The following C9orf153 variants were observed in gnomAD, a reference collection of about 807,000 sequenced individuals.
C9orf153 encodes uncharacterized protein C9orf153.
Under a neutral mutation model 9.0 loss-of-function variants are expected in C9orf153, and 10 were observed. The ratio of observed to expected loss-of-function variants is 1.11; its 90% CI spans 0.69 to 1.89. C9orf153 has a LOEUF of 1.89. Among genes scored for constraint, C9orf153 ranks in the 40% most tolerant of loss-of-function variants. C9orf153 has a pLI of 0.00. For missense variants in C9orf153, 108 were observed against 111.0 expected, an observed-to-expected ratio of 0.97 and a Z score of 0.12; for synonymous variants, 35 against 37.3, an observed-to-expected ratio of 0.94 and a Z score of 0.23.
rs1023529873 is a variant in C9orf153 at position 86,258,810 on chromosome 9, C to G, written c.-27+740G>C. Among the ~76,000 whole-genome samples, 3 of 152,020 alleles carry G rather than the reference C, an allele frequency of 2.0e-5. No homozygotes were observed. The East Asian group carries it at 5.8e-4, about 29-fold the overall frequency. ...GAAAGTACAATGTTCCCACAACCCCCCTTCTCTGCACCATACACACAGCTT... is the reference window on the plus strand; with the variant it reads ...GAAAGTACAATGTTCCCACAACCCCGCTTCTCTGCACCATACACACAGCTT... On this transcript the variant is annotated intron_variant, in intron 1 of 3. Coordinates refer to ENST00000339137, the MANE Select transcript of C9orf153 (RefSeq NM_001276366.4).
chr9:86,252,169 G>A (rs896788234), intron 1 of C9orf153, among the ~76,000 whole-genome samples: 13 of 152,082 alleles, frequency 8.5e-5, no homozygotes, highest in African/African-American at 3.1e-4. Flanking sequence ...CAAGTAGCTG[G>A]GATTACAAGT....
chr9:86,224,338 G>C (rs1330606519), intron 3 of C9orf153, among the ~76,000 whole-genome samples: 3 of 151,806 alleles, frequency 2.0e-5, no homozygotes, highest in Non-Finnish European at 4.4e-5. Context: ...AGTGAGCTGA[G>C]ATTGTGCCAC....
chr9:86,229,191 C>T (rs371178062), intron 2 of C9orf153, among the ~76,000 whole-genome samples: 7 of 149,426 alleles, frequency 4.7e-5, no homozygotes, highest in East Asian at 3.9e-4. Context: ...ATGTTTGGAC[C>T]GATATCATGA....
Position 86,225,522 on chromosome 9 carries a change from G to A in C9orf153, c.242+2333C>T, listed in dbSNP as rs578151789. Reference sequence around the variant, plus strand: ...TGCCCAGGCTGGAGTGTAGTGGCGCGATCTTGGCTCACCACAACCTCTGCC... The same window carrying A: ...TGCCCAGGCTGGAGTGTAGTGGCGCAATCTTGGCTCACCACAACCTCTGCC... On this transcript the variant is annotated intron_variant, in intron 3 of 3. Transcript: ENST00000339137. Among the ~76,000 whole-genome samples, 101 of 151,422 alleles carry A rather than the reference G, an allele frequency of 6.7e-4. 1 individual carries two copies. The highest frequency in any genetic ancestry group is 1.3e-3 in the Non-Finnish European group (89 of 67,890).
chr9:86,247,194 C>T (rs1001039359), intron 1 of C9orf153, among the ~76,000 whole-genome samples: 3 of 152,232 alleles, frequency 2.0e-5, no homozygotes, highest in Admixed American at 6.5e-5. Context: ...ATTTTTGCTC[C>T]CTATGGCCAA....
intron 1 of C9orf153, among the ~76,000 whole-genome samples, chr9:86,246,919 A>C (rs1824878505): frequency 6.6e-6 from 1 of 152,240 alleles, no homozygotes; most frequent in Non-Finnish European, 1.5e-5. Flanking sequence ...CCATGGATGA[A>C]AGGGAAAGCA....
chr9:86,236,397 A>G (rs922753368), intron 1 of C9orf153, among the ~76,000 whole-genome samples: 1 of 152,014 alleles, frequency 6.6e-6, no homozygotes, highest in African/African-American at 2.4e-5. Flanking sequence ...AAAAATACAA[A>G]AAGTTAGCCA....
At chr9:86,241,906 G>C (rs910165949) in intron 1 of C9orf153, among the ~76,000 whole-genome samples, 1 of 152,186 alleles carries the variant, frequency 6.6e-6, no homozygotes, top group Non-Finnish European at 1.5e-5. Context: ...GATTACAGGC[G>C]TGAGCCACTA....
intron 3 of C9orf153, among the ~76,000 whole-genome samples, chr9:86,224,940 CAAAAAAAAA>C (rs35723282): frequency 2.7e-5 from 2 of 73,946 alleles, no homozygotes; most frequent in Admixed American, 3.3e-4. Context: ...GACTCCGTCT[CAAAAAAAAA>C]AAAAAAAAAA....
At position 86,221,679 on chromosome 9, in the gene C9orf153, G is replaced by C. The variant is rs755182450; in HGVS notation, c.*9C>G. On this transcript the variant is annotated 3_prime_UTR_variant, in exon 4 of 4. Transcript: ENST00000339137. ...AATTGCAGTAGTGCGCCTCCACTTC[G>C]CAAGCCCCTTAAAATATCTCCATTC... 150 of 1,548,706 alleles carry C rather than the reference G, an allele frequency of 9.7e-5. No homozygotes were observed. Among genetic ancestry groups the C allele is most frequent in the Admixed American group, 2.2e-4 (11 of 50,602 alleles).
At chr9:86,257,444 C>T (rs549234226) in intron 1 of C9orf153, among the ~76,000 whole-genome samples, 2 of 152,296 alleles carry the variant, frequency 1.3e-5, no homozygotes, top group South Asian at 4.1e-4. Context: ...GAGGCTCCAT[C>T]AAGCCAAACA....
intron 3 of C9orf153, among the ~76,000 whole-genome samples, chr9:86,222,590 A>G (rs1324168539): frequency 6.6e-6 from 1 of 152,102 alleles, no homozygotes; most frequent in African/African-American, 2.4e-5. Flanking sequence ...CAAGTAGCCA[A>G]TGAGCCAAGG....
chr9:86,256,705 T>C (rs566191758), intron 1 of C9orf153, among the ~76,000 whole-genome samples: 1 of 152,332 alleles, frequency 6.6e-6, no homozygotes, highest in Admixed American at 6.5e-5. Flanking sequence ...CCAGGGTTAA[T>C]TGTTTAAAGG....
rs138702590 is a variant in C9orf153, at chr9:86,250,596, A to G, written c.-27+8954T>C. Among the ~76,000 whole-genome samples, 15 of 152,356 alleles carry G rather than the reference A, an allele frequency of 9.8e-5. No homozygotes were observed. In the East Asian group the frequency reaches 2.9e-3, roughly 29 times the overall value. On this transcript the variant is annotated intron_variant, in intron 1 of 3. Coordinates refer to ENST00000339137, the MANE Select transcript of C9orf153 (RefSeq NM_001276366.4). ...GTAGCCGGGTTTATGATTCTTTACA[A>G]TAATGTAATATACATCCGTTTGTAT...
At chr9:86,236,174 T>C (rs1047205821) in intron 1 of C9orf153, among the ~76,000 whole-genome samples, 2 of 152,086 alleles carry the variant, frequency 1.3e-5, no homozygotes, top group Non-Finnish European at 2.9e-5. Flanking sequence ...AAGCAGAGAA[T>C]GGAATGAAAT....
At chr9:86,240,169 A>G (rs529564392) in intron 1 of C9orf153, among the ~76,000 whole-genome samples, 14 of 152,280 alleles carry the variant, frequency 9.2e-5, no homozygotes, top group Admixed American at 3.9e-4. Flanking sequence ...ATGTACAATT[A>G]TAATCCCCAT....
intron 3 of C9orf153, chr9:86,227,521 A>T: frequency 7.3e-7 from 1 of 1,366,232 alleles, no homozygotes; most frequent in Non-Finnish European, 9.4e-7. Context: ...TTTCTCCCAC[A>T]TGGCCTCATC....
At chr9:86,241,387 C>T (rs1001396098) in intron 1 of C9orf153, among the ~76,000 whole-genome samples, 5 of 152,066 alleles carry the variant, frequency 3.3e-5, no homozygotes, top group Admixed American at 2.0e-4. Context: ...GTGGGGGATC[C>T]CCATCTATTT....
chr9:86,231,089 T>C (rs971665259), intron 1 of C9orf153, among the ~76,000 whole-genome samples: 1 of 152,176 alleles, frequency 6.6e-6, no homozygotes, highest in Admixed American at 6.5e-5. Flanking sequence ...GCAGCCAGTA[T>C]TGACCACTAG....
Sources: gnomAD v4.1 joint callset for allele counts (sites outside exome capture counted in the v4.1 genomes callset) on GRCh38, gnomAD v4.1.1 for gene constraint, MANE v1.5 for transcripts, NCBI Gene and HGNC (gene_info 2026-07-23, HGNC 2026-07-21) for gene names.